The following DHRS3 variants were observed in gnomAD, a reference collection of about 807,000 sequenced individuals.
DHRS3 encodes dehydrogenase/reductase 3.
In DHRS3, 14 loss-of-function variants were observed where a neutral mutation model predicts 27.2. The observed-to-expected ratio is 0.52, with a 90% CI of 0.34 to 0.81. DHRS3 has a LOEUF of 0.81. DHRS3 is among the 30% of genes least tolerant of loss of function. The pLI is 0.01. For synonymous variants in DHRS3, 165 were observed against 175.9 expected (o/e 0.94, Z 0.49); for missense variants, 322 against 406.2 (o/e 0.79, Z 1.78).
chr1:12,616,017 G>A (rs926974145), intron 1 of DHRS3, among the ~76,000 whole-genome samples: 1 of 152,210 alleles, frequency 6.6e-6, no homozygotes, highest in Non-Finnish European at 1.5e-5. Context: ...AGGCTCCAAA[G>A]TTCAGTCCCA....
intron 1 of DHRS3, 131 bp from the exon 2 acceptor site, chr1:12,580,797 T>C: frequency 9.4e-7 from 1 of 1,069,340 alleles, no homozygotes; most frequent in Non-Finnish European, 1.3e-6. Flanking sequence ...CACCCAAAGA[T>C]AAAGAATACA....
At chr1:12,609,532 C>T (rs182212853) in intron 1 of DHRS3, among the ~76,000 whole-genome samples, 1 of 152,302 alleles carries the variant, frequency 6.6e-6, no homozygotes, top group East Asian at 1.9e-4. Context: ...TCAGCATCCT[C>T]CAAAACTCTA....
At position 12,608,078 on chromosome 1, in the gene DHRS3, C is replaced by T. The variant is rs6541042; in HGVS notation, c.195+9076G>A. On this transcript the variant is annotated intron_variant, in intron 1 of 5. Coordinates refer to ENST00000616661, the MANE Select transcript of DHRS3 (RefSeq NM_004753.7). The surrounding 1 kb of genome is among the most constrained non-coding windows in gnomAD (Gnocchi z 4.1). The stretch of plus-strand genomic sequence containing the variant: ...TTTTAGTAGAGATGGGGTCTCATCC[C>T]GTTGGACAGGCTGGTCTCGAACTCC... Among the ~76,000 whole-genome samples the T allele has an allele frequency of 0.64, 96,805 of 151,894 alleles. 31,174 individuals are homozygous for T. The highest frequency in any genetic ancestry group is 0.79 in the East Asian group (4,087 of 5,156).
At position 12,586,859 on chromosome 1, in the gene DHRS3, C is replaced by T. The variant is rs1251043790; in HGVS notation, c.196-6193G>A. Reference sequence around the variant, plus strand: ...GCACATCTCCTCTCTTCAAGGGGTCCTGTGGGGATTAAGCTGGCAGAAGCT... The same window carrying T: ...GCACATCTCCTCTCTTCAAGGGGTCTTGTGGGGATTAAGCTGGCAGAAGCT... On this transcript the variant is annotated intron_variant, in intron 1 of 5. Transcript: ENST00000616661. This position sits in a 1 kb window ranked among gnomAD's most constrained non-coding sequence, Gnocchi z 5.0. Among the ~76,000 whole-genome samples the T allele has an allele frequency of 6.6e-6, 1 of 152,156 alleles. No individual in the cohort carries two copies. The highest frequency in any genetic ancestry group is 6.6e-5 in the Admixed American group (1 of 15,262).
chr1:12,597,023 T>C lies in DHRS3; in HGVS notation c.196-16357A>G, dbSNP rs574747858. The stretch of plus-strand genomic sequence containing the variant: ...CCCCATTGACTCCCCTACTTGGACC[T>C]CATTAACTAATGATCACCCTGCCTT... On this transcript the variant is annotated intron_variant, in intron 1 of 5. Transcript: ENST00000616661. Among the ~76,000 whole-genome samples, 36 of 152,218 alleles carry C rather than the reference T, an allele frequency of 2.4e-4. No homozygotes were observed. The South Asian group carries it at 6.2e-3, about 26-fold the overall frequency.
chr1:12,617,440 G>T lies in DHRS3; in HGVS notation c.-92C>A, dbSNP rs1433586409. 1 of 1,325,566 alleles carries T rather than the reference G, an allele frequency of 7.5e-7. No individual in the cohort carries two copies. The highest frequency in any genetic ancestry group is 1.0e-6 in the Non-Finnish European group (1 of 994,292). 82.1% of individuals were successfully genotyped at this position (1,325,566 alleles called of 1,614,324 possible). ...CACCCCGAACAATAAATAGTAAACC[G>T]AATAAGGAGGAGAGAGGCGTCCCAC... On this transcript the variant is annotated 5_prime_UTR_variant, in exon 1 of 6. Coordinates refer to ENST00000616661, the MANE Select transcript of DHRS3 (RefSeq NM_004753.7).
chr1:12,599,531 A>G (rs1229724637), intron 1 of DHRS3, among the ~76,000 whole-genome samples: 1 of 152,082 alleles, frequency 6.6e-6, no homozygotes, highest in Non-Finnish European at 1.5e-5. Context: ...TGCTCTCCCA[A>G]TCATGTCCAG....
At chr1:12,597,216 A>G (rs1646804777) in intron 1 of DHRS3, among the ~76,000 whole-genome samples, 1 of 152,038 alleles carries the variant, frequency 6.6e-6, no homozygotes, top group South Asian at 2.1e-4. Flanking sequence ...GCCTGGGATT[A>G]CAGGCGCCCA....
intron 1 of DHRS3, among the ~76,000 whole-genome samples, chr1:12,584,376 C>A (rs1646673535): frequency 6.6e-6 from 1 of 152,170 alleles, no homozygotes; most frequent in Admixed American, 6.5e-5. Flanking sequence ...AGGGCCCTAA[C>A]ACTTGGCTGT....
chr1:12,601,604 G>C (rs188080582), intron 1 of DHRS3, among the ~76,000 whole-genome samples: 1 of 152,086 alleles, frequency 6.6e-6, no homozygotes, highest in South Asian at 2.1e-4. Flanking sequence ...AGCCCCCATC[G>C]GGAAAGCTGG....
chr1:12,583,383 C>CCCAT (rs747557934), intron 1 of DHRS3, among the ~76,000 whole-genome samples: 13 of 138,186 alleles, frequency 9.4e-5, no homozygotes, highest in South Asian at 5.2e-4. Context: ...CCCACCCCAC[C>CCCAT]CCATCCATCC....
intron 1 of DHRS3, among the ~76,000 whole-genome samples, chr1:12,585,531 G>T (rs1168584994): frequency 6.6e-6 from 1 of 152,212 alleles, no homozygotes; most frequent in African/African-American, 2.4e-5. Flanking sequence ...GAAGTGCTGG[G>T]CTGGCGCCTG....
At chr1:12,601,976 C>G (rs1444514665) in intron 1 of DHRS3, among the ~76,000 whole-genome samples, 1 of 152,166 alleles carries the variant, frequency 6.6e-6, no homozygotes, top group Admixed American at 6.5e-5. Flanking sequence ...AGGCAACAAC[C>G]ATTTATTAAG....
In DHRS3 at chr1:12,608,560, GC is replaced by G. The variant is rs1414204621; in HGVS notation, c.195+8593del. Among the ~76,000 whole-genome samples, 2 of 152,088 alleles carry G rather than the reference GC, an allele frequency of 1.3e-5. No homozygotes were observed. The highest frequency in any genetic ancestry group is 2.9e-5 in the Non-Finnish European group (2 of 68,010). The stretch of plus-strand genomic sequence containing the variant: ...GATGCTGGTGTCCTCTTTTCCTCCT[GC>G]CCCCTGCCCCTGCCCCTGCCTGTGT... On this transcript the variant is annotated intron_variant, in intron 1 of 5. Coordinates refer to ENST00000616661, the MANE Select transcript of DHRS3 (RefSeq NM_004753.7). This position sits in a 1 kb window ranked among gnomAD's most constrained non-coding sequence, Gnocchi z 4.1.
At chr1:12,570,786 C>T (rs777149859) in intron 5 of DHRS3, among the ~76,000 whole-genome samples, 8 of 152,202 alleles carry the variant, frequency 5.3e-5, no homozygotes, top group Non-Finnish European at 5.9e-5. Flanking sequence ...GGCTGAGGAG[C>T]ATCTCAGACC....
Position 12,617,170 on chromosome 1 carries a change from T to G in DHRS3, c.179A>C (p.Glu60Ala). 1 of 1,611,944 alleles carries G rather than the reference T, an allele frequency of 6.2e-7. No individual in the cohort carries two copies. The highest frequency in any genetic ancestry group is 8.5e-7 in the Non-Finnish European group (1 of 1,179,610). Residue 60 changes from glutamate to alanine, a missense_variant, in exon 1 of 6, where the codon GAG (glutamate) becomes GCG (alanine). Coordinates refer to ENST00000616661, the MANE Select transcript of DHRS3 (RefSeq NM_004753.7). Reference protein sequence around the residue: ...IGRQLAREFAERGARKIVLWG... With the variant: ...IGRQLAREFAARGARKIVLWG... ...GCCTGGTACCTTTCTGGCGCCGCGC[T>G]CCGCGAACTCGCGGGCGAGCTGACG...
intron 1 of DHRS3, among the ~76,000 whole-genome samples, chr1:12,596,757 C>T (rs1049882268): frequency 6.6e-6 from 1 of 152,122 alleles, no homozygotes; most frequent in Non-Finnish European, 1.5e-5. Context: ...CTGAAACTGG[C>T]CTCCCTGTGC....
intron 1 of DHRS3, among the ~76,000 whole-genome samples, chr1:12,599,715 T>C (rs1231403659): frequency 1.3e-5 from 2 of 152,262 alleles, no homozygotes; most frequent in Non-Finnish European, 2.9e-5. Flanking sequence ...ATTTTCCTTC[T>C]GCTGCTTCCA....
intron 1 of DHRS3, among the ~76,000 whole-genome samples, chr1:12,610,514 G>C (rs866820065): frequency 2.0e-5 from 3 of 152,202 alleles, no homozygotes; most frequent in Non-Finnish European, 4.4e-5. Flanking sequence ...GCATATAGTA[G>C]GTGCTCAGTA....
Sources: allele counts gnomAD v4.1 joint callset (sites outside exome capture counted in the v4.1 genomes callset), GRCh38; gene constraint gnomAD v4.1.1; non-coding constraint Gnocchi (gnomAD v3.1); transcripts MANE v1.5; gene names NCBI Gene and HGNC (gene_info 2026-07-23, HGNC 2026-07-21).